CNTNAP5: variants seen among roughly 807,000 people sequenced by gnomAD.
CNTNAP5 encodes contactin associated protein family member 5, also known as contactin-associated protein-like 5.
CNTNAP5 carries 72 observed loss-of-function variants against 150.2 expected under a neutral mutation model. The ratio of observed to expected loss-of-function variants is 0.48; its 90% CI spans 0.40 to 0.58. The LOEUF (loss-of-function observed/expected upper bound fraction) is 0.58, where lower values mean the gene tolerates loss of function less well. Ranked by LOEUF, CNTNAP5 falls within the 20% of genes least tolerant of loss-of-function variation. CNTNAP5 has a pLI of 0.00. For missense variants in CNTNAP5, 1,636 were observed against 1,626.2 expected, an observed-to-expected ratio of 1.01 and a Z score of -0.10; for synonymous variants, 672 against 619.8, an observed-to-expected ratio of 1.08 and a Z score of -1.25.
chr2:124,625,620 C>A (rs1677705694), intron 12 of CNTNAP5, among the ~76,000 whole-genome samples: 1 of 152,192 alleles, frequency 6.6e-6, no homozygotes, highest in South Asian at 2.1e-4. Flanking sequence ...CAGGCCAGGG[C>A]CTAGAATCGC....
chr2:124,660,041 A>T (rs1179895031), intron 13 of CNTNAP5, among the ~76,000 whole-genome samples: 3 of 71,910 alleles, frequency 4.2e-5, no homozygotes, highest in Non-Finnish European at 7.1e-5. Context: ...GAAGGAAGGA[A>T]GAAAGGAAGG....
At chr2:124,265,892 C>A (rs141769496) in intron 3 of CNTNAP5, among the ~76,000 whole-genome samples, 1 of 151,952 alleles carries the variant, frequency 6.6e-6, no homozygotes, top group Non-Finnish European at 1.5e-5. Flanking sequence ...AACCTCCAAG[C>A]GGATAATTCA....
chr2:124,738,390 T>TAC (rs1680430964), intron 13 of CNTNAP5, among the ~76,000 whole-genome samples: 1 of 152,230 alleles, frequency 6.6e-6, no homozygotes, highest in Admixed American at 6.5e-5. Context: ...AATGTTCATT[T>TAC]TTATCTGTAA....
At chr2:124,895,745 C>T (rs1011143803) in intron 21 of CNTNAP5, among the ~76,000 whole-genome samples, 2 of 151,512 alleles carry the variant, frequency 1.3e-5, no homozygotes, top group African/African-American at 4.9e-5. Context: ...GACACACATG[C>T]AATTATGAAG....
At chr2:124,183,064 C>A (rs768082239) in intron 1 of CNTNAP5, among the ~76,000 whole-genome samples, 1 of 152,118 alleles carries the variant, frequency 6.6e-6, no homozygotes, top group African/African-American at 2.4e-5. Context: ...TTTGTACCAA[C>A]CCTTTATATT....
intron 20 of CNTNAP5, among the ~76,000 whole-genome samples, chr2:124,867,861 G>A (rs146042250): frequency 1.3e-4 from 20 of 152,218 alleles, no homozygotes; most frequent in East Asian, 7.7e-4. Context: ...ATGAATATCC[G>A]TTAGGCATTG....
chr2:124,112,635 G>A (rs905271086), intron 1 of CNTNAP5, among the ~76,000 whole-genome samples: 5 of 152,052 alleles, frequency 3.3e-5, no homozygotes, highest in Non-Finnish European at 5.9e-5. Flanking sequence ...TTGTTGCAAA[G>A]TGATTGCTTG....
chr2:124,478,288 G>A (rs1693689509), intron 7 of CNTNAP5, among the ~76,000 whole-genome samples: 1 of 152,016 alleles, frequency 6.6e-6, no homozygotes, highest in South Asian at 2.1e-4. Context: ...AACTTTGCTA[G>A]CATATGTTAC....
chr2:124,462,746 G>A (rs1348351038), intron 6 of CNTNAP5, among the ~76,000 whole-genome samples: 1 of 152,156 alleles, frequency 6.6e-6, no homozygotes, highest in Non-Finnish European at 1.5e-5. Flanking sequence ...TACAGATAGA[G>A]AACCACATAT....
chr2:124,519,462 G>A (rs1048850387), intron 8 of CNTNAP5, among the ~76,000 whole-genome samples: 2 of 152,178 alleles, frequency 1.3e-5, no homozygotes, highest in African/African-American at 4.8e-5. Context: ...CAGGAGCAGG[G>A]CAGGGCTGGC....
chr2:124,669,630 T>C (rs1220121831), intron 13 of CNTNAP5, among the ~76,000 whole-genome samples: 1 of 152,176 alleles, frequency 6.6e-6, no homozygotes, highest in Non-Finnish European at 1.5e-5. Flanking sequence ...TGCCTACTGG[T>C]CTTATGATGT....
At chr2:124,586,953 G>T (rs1162541670) in intron 11 of CNTNAP5, among the ~76,000 whole-genome samples, 1 of 152,148 alleles carries the variant, frequency 6.6e-6, no homozygotes, top group African/African-American at 2.4e-5. Flanking sequence ...GCAAAGCCTG[G>T]CCTGGGTTCA....
intron 17 of CNTNAP5, among the ~76,000 whole-genome samples, chr2:124,778,794 C>A (rs1280232353): frequency 2.6e-5 from 4 of 151,802 alleles, no homozygotes; most frequent in Non-Finnish European, 5.9e-5. Context: ...AATGTAGTGT[C>A]CGACTCACAT....
chr2:124,199,701 C>T (rs1265264801), intron 1 of CNTNAP5, among the ~76,000 whole-genome samples: 1 of 152,184 alleles, frequency 6.6e-6, no homozygotes, highest in African/African-American at 2.4e-5. Context: ...AGGCATGAGC[C>T]ACCTCGCCTG....
At chr2:124,720,036 G>A (rs1680019211) in intron 13 of CNTNAP5, among the ~76,000 whole-genome samples, 1 of 152,112 alleles carries the variant, frequency 6.6e-6, no homozygotes, top group Non-Finnish European at 1.5e-5. Flanking sequence ...CTAAGAATTA[G>A]GGACAGCCAA....
At chr2:124,350,810 G>A (rs1689859770) in intron 3 of CNTNAP5, among the ~76,000 whole-genome samples, 1 of 152,110 alleles carries the variant, frequency 6.6e-6, no homozygotes, top group Non-Finnish European at 1.5e-5. Context: ...ATATCATGAA[G>A]TCTTTGTGCA....
At position 124,126,903 on chromosome 2, in the gene CNTNAP5, C is replaced by T. The variant is rs535865747; in HGVS notation, c.83-94802C>T. Among the ~76,000 whole-genome samples, 9 of 152,230 alleles carry T rather than the reference C, an allele frequency of 5.9e-5. No individual in the cohort carries two copies. The East Asian group carries it at 9.7e-4, about 16-fold the overall frequency. On this transcript the variant is annotated intron_variant, in intron 1 of 23. Coordinates refer to ENST00000682447, the MANE Select transcript of CNTNAP5 (RefSeq NM_001367498.1). Reference sequence around the variant, plus strand: ...CTCAATAAACTAGGTATTGATGGGACGTATCTCAAAATAATAAGAGCTATT... The same window carrying T: ...CTCAATAAACTAGGTATTGATGGGATGTATCTCAAAATAATAAGAGCTATT...
At chr2:124,291,274 T>G (rs1688284101) in intron 3 of CNTNAP5, among the ~76,000 whole-genome samples, 1 of 152,094 alleles carries the variant, frequency 6.6e-6, no homozygotes, top group South Asian at 2.1e-4. Flanking sequence ...AATTTTGGTG[T>G]TTTTTGCTTT....
intron 16 of CNTNAP5, among the ~76,000 whole-genome samples, chr2:124,764,541 A>G (rs1009062892): frequency 6.6e-6 from 1 of 152,098 alleles, no homozygotes; most frequent in Non-Finnish European, 1.5e-5. Flanking sequence ...CTTTGTTCCA[A>G]AAGTAATTTC....
Sources: gnomAD v4.1 joint callset for allele counts (sites outside exome capture counted in the v4.1 genomes callset) on GRCh38, gnomAD v4.1.1 for gene constraint, MANE v1.5 for transcripts, NCBI Gene and HGNC (gene_info 2026-07-23, HGNC 2026-07-21) for gene names.